The following GNAO1 variants were observed in gnomAD, a reference collection of about 807,000 sequenced individuals.
GNAO1 encodes the protein guanine nucleotide-binding protein G(o) subunit alpha.
For missense variants in GNAO1, 166 were observed against 478.7 expected, an observed-to-expected ratio of 0.35 and a Z score of 6.10; for synonymous variants, 164 against 180.7, an observed-to-expected ratio of 0.91 and a Z score of 0.74.
chr16:56,211,613 A>G (rs1182401460), intron 2 of GNAO1, among the ~76,000 whole-genome samples: 1 of 152,224 alleles, frequency 6.6e-6, no homozygotes, highest in Admixed American at 6.5e-5. Flanking sequence ...CAAGGAAATG[A>G]GTTCACAACT....
In GNAO1 at chr16:56,351,394, A is replaced by G. The variant is rs760862770; in HGVS notation, c.734A>G (p.His245Arg). Reference protein sequence around the residue: ...LHEDETTNRMHESLMLFDSIC... With the variant: ...LHEDETTNRMRESLMLFDSIC... ...TTCCTGCGGCCGCAGAACCGCATGC[A>G]CGAGTCTCTCATGCTCTTCGACTCC... The change falls in exon 7 of 9, where the codon CAC becomes CGC. Residue 245 changes from histidine to arginine, a missense_variant. Transcript: ENST00000262493. The surrounding 1 kb of genome is among the most constrained non-coding windows in gnomAD (Gnocchi z 6.1). 6.2e-7 allele frequency: 1 copy of G among 1,612,498 alleles called. No individual in the cohort carries two copies.
intron 2 of GNAO1, among the ~76,000 whole-genome samples, chr16:56,225,981 G>A (rs1261510487): frequency 5.9e-5 from 9 of 152,004 alleles, no homozygotes; most frequent in African/African-American, 2.2e-4. Flanking sequence ...AGCTTTCCAA[G>A]CAGAAGGAAC....
chr16:56,248,316 A>C (rs1248956629), intron 2 of GNAO1, among the ~76,000 whole-genome samples: 1 of 152,246 alleles, frequency 6.6e-6, no homozygotes, highest in South Asian at 2.1e-4. Flanking sequence ...AAATGAAATC[A>C]AACTTCTGAT....
At chr16:56,328,057 C>T (rs185680076) in intron 3 of GNAO1, among the ~76,000 whole-genome samples, 2 of 152,212 alleles carry the variant, frequency 1.3e-5, no homozygotes, top group Non-Finnish European at 2.9e-5. Flanking sequence ...TCCCCTCCCC[C>T]AGTCCTGAGG....
chr16:56,325,710 C>G (rs1005273428), intron 3 of GNAO1, among the ~76,000 whole-genome samples: 1 of 152,062 alleles, frequency 6.6e-6, no homozygotes, highest in Non-Finnish European at 1.5e-5. Context: ...TTGTCTTGGG[C>G]CTGGTAGTAG....
chr16:56,238,356 G>T (rs2036661080), intron 2 of GNAO1, among the ~76,000 whole-genome samples: 1 of 152,212 alleles, frequency 6.6e-6, no homozygotes, highest in Non-Finnish European at 1.5e-5. Flanking sequence ...ATCCTTGATT[G>T]CAGTCCAGTC....
intron 5 of GNAO1, among the ~76,000 whole-genome samples, chr16:56,335,184 C>T (rs532857016): frequency 1.3e-5 from 2 of 152,282 alleles, no homozygotes; most frequent in African/African-American, 4.8e-5. Flanking sequence ...TCCAAGGTCA[C>T]CTTGGGGGGA....
intron 3 of GNAO1, among the ~76,000 whole-genome samples, chr16:56,294,905 A>G (rs2037268577): frequency 6.6e-6 from 1 of 151,974 alleles, no homozygotes; most frequent in African/African-American, 2.4e-5. Context: ...CCATGCGTAT[A>G]TCTTCTCTTG....
At chr16:56,234,067 T>C (rs1463443594) in intron 2 of GNAO1, among the ~76,000 whole-genome samples, 1 of 152,246 alleles carries the variant, frequency 6.6e-6, no homozygotes, top group African/African-American at 2.4e-5. Context: ...TTCACTTCTT[T>C]CCTTGGCAGT....
intron 3 of GNAO1, among the ~76,000 whole-genome samples, chr16:56,285,571 G>A (rs2037158089): frequency 6.6e-6 from 1 of 152,130 alleles, no homozygotes; most frequent in African/African-American, 2.4e-5. Context: ...AGCAGAGAGG[G>A]GCCTGCCTGG....
At chr16:56,201,046 G>A (rs1360758544) in intron 2 of GNAO1, among the ~76,000 whole-genome samples, 1 of 152,180 alleles carries the variant, frequency 6.6e-6, no homozygotes, top group South Asian at 2.1e-4. Flanking sequence ...TACACACAGT[G>A]TCATGGAAGT....
intron 3 of GNAO1, among the ~76,000 whole-genome samples, chr16:56,305,762 C>G (rs1188146932): frequency 2.6e-5 from 4 of 152,154 alleles, no homozygotes; most frequent in East Asian, 1.9e-4. Flanking sequence ...AGTCTGAGAT[C>G]AGGGTGCTGG....
intron 2 of GNAO1, among the ~76,000 whole-genome samples, chr16:56,218,149 A>T (rs1596802633): frequency 6.6e-6 from 1 of 152,214 alleles, no homozygotes; most frequent in East Asian, 1.9e-4. Flanking sequence ...TGGGCGAGAG[A>T]TCCTCTCAAA....
chr16:56,266,034 C>G (rs1037676334), intron 2 of GNAO1, among the ~76,000 whole-genome samples: 1 of 152,222 alleles, frequency 6.6e-6, no homozygotes, highest in Non-Finnish European at 1.5e-5. Context: ...CTTCTTATCA[C>G]TGAGGCCTCA....
chr16:56,332,453 A>C (rs1382551303), intron 4 of GNAO1, among the ~76,000 whole-genome samples: 1 of 152,060 alleles, frequency 6.6e-6, no homozygotes. Context: ...AGCCCCCAGC[A>C]GCTCTCCCCC....
intron 3 of GNAO1, among the ~76,000 whole-genome samples, chr16:56,279,347 G>A (rs978520227): frequency 7.2e-5 from 11 of 152,142 alleles, no homozygotes; most frequent in East Asian, 1.9e-4. Flanking sequence ...GTGACTGTGC[G>A]TGAGCCTGAA....
At chr16:56,290,069 A>T (rs1259335938) in intron 3 of GNAO1, among the ~76,000 whole-genome samples, 1 of 151,930 alleles carries the variant, frequency 6.6e-6, no homozygotes, top group Non-Finnish European at 1.5e-5. Flanking sequence ...TCTGCTGCTG[A>T]CTCTTTAAAT....
chr16:56,318,213 T>G (rs2037532732), intron 3 of GNAO1, among the ~76,000 whole-genome samples: 1 of 152,132 alleles, frequency 6.6e-6, no homozygotes, highest in Non-Finnish European at 1.5e-5. Flanking sequence ...CTCTCTCCTG[T>G]GCCGGAGAGA....
At chr16:56,289,455 C>T (rs8063832) in intron 3 of GNAO1, among the ~76,000 whole-genome samples, 2,313 of 152,282 alleles carry the variant, frequency 0.015, 61 homozygotes, top group South Asian at 0.053. Context: ...ACGGAGCCAT[C>T]GGGGTGAAGA....
Sources: allele counts gnomAD v4.1 joint callset (sites outside exome capture counted in the v4.1 genomes callset), GRCh38; gene constraint gnomAD v4.1.1; non-coding constraint Gnocchi (gnomAD v3.1); transcripts MANE v1.5; gene names NCBI Gene and HGNC (gene_info 2026-07-23, HGNC 2026-07-21).